Variants in IGSF10 observed in about 807,000 individuals in gnomAD.
The protein encoded by IGSF10 is calvaria mechanical force protein 608.
A neutral mutation model predicts 128.2 loss-of-function variants in IGSF10; 126 were observed. The ratio of observed to expected loss-of-function variants is 0.98; its 90% CI spans 0.85 to 1.14. The LOEUF is 1.14. IGSF10 is among the 50% of genes most tolerant of loss of function. The probability of loss-of-function intolerance (pLI) is 0.00; values close to 1 mark genes in which losing one functional copy is unlikely to be tolerated. For synonymous variants in IGSF10, 1,185 were observed against 1,146.2 expected (o/e 1.03, Z -0.68); for missense variants, 3,295 against 3,149.8 (o/e 1.05, Z -1.10).
chr3:151,613,463 GTA>G, the IGSF10 span, among the ~76,000 whole-genome samples: 52 of 152,220 alleles, frequency 3.4e-4, no homozygotes, highest in South Asian at 9.8e-3. Flanking sequence ...CATGGTACTG[GTA>G]CCAAAACAGA....
chr3:151,528,510 A>T, the IGSF10 span, among the ~76,000 whole-genome samples: 1 of 152,200 alleles, frequency 6.6e-6, no homozygotes, highest in Admixed American at 6.5e-5. Flanking sequence ...TACCCTGTTC[A>T]TCTCACTGGG....
the IGSF10 span, among the ~76,000 whole-genome samples, chr3:151,549,237 G>A: frequency 6.6e-6 from 1 of 152,080 alleles, no homozygotes; most frequent in Non-Finnish European, 1.5e-5. Context: ...GGGAAGTCCT[G>A]GTGTCAATAT....
upstream of IGSF10, among the ~76,000 whole-genome samples, chr3:151,463,172 C>T (rs563234585): frequency 6.6e-6 from 1 of 152,304 alleles, no homozygotes; most frequent in East Asian, 1.9e-4. Context: ...TAAATCTCTA[C>T]AATTGCTTTA....
At position 151,438,331 on chromosome 3, in the gene IGSF10, C is replaced by A; in HGVS notation, c.6230G>T (p.Gly2077Val). ...TTGCATTGCATTGTTGATCATGGTT[C>A]CATCAGGCAAACTCCAAGATATCTC... ...VPEISWSLPD[G>V]TMINNAMQAD... The change falls in exon 8 of 8, where the codon GGA becomes GTA. Residue 2077 changes from glycine (G) to valine (V), a missense_variant. Physicochemically the swap from Gly to Val is moderately radical, Grantham distance 109. Coordinates refer to ENST00000282466, the MANE Select transcript of IGSF10 (RefSeq NM_178822.5). 3 of 1,614,130 alleles carry A rather than the reference C, an allele frequency of 1.9e-6. No homozygotes were observed. The South Asian group carries it at 3.3e-5, about 18-fold the overall frequency.
the IGSF10 span, among the ~76,000 whole-genome samples, chr3:151,523,718 A>T: frequency 1.1e-4 from 17 of 152,170 alleles, no homozygotes; most frequent in African/African-American, 3.9e-4. Context: ...GAGACAACCT[A>T]GGCAATACCA....
chr3:151,513,161 A>T, the IGSF10 span, among the ~76,000 whole-genome samples: 1 of 152,182 alleles, frequency 6.6e-6, no homozygotes, highest in East Asian at 1.9e-4. Flanking sequence ...GACACAACAA[A>T]AAAAAGAGAA....
At position 151,453,495 on chromosome 3, in the gene IGSF10, G is replaced by C; in HGVS notation, c.604C>G (p.Gln202Glu). 5.0e-6 allele frequency: 8 copies of C among 1,613,992 alleles called. No individual in the cohort carries two copies. The highest frequency in any genetic ancestry group is 6.8e-6 in the Non-Finnish European group (8 of 1,179,850). ...TCAGGCATATAGGAGACCATCTCTT[G>C]AGGGAGGGAGGTCAGGAAGTTATCA... ...LSDNFLTSLP[Q>E]EMVSYMPDLD... Residue 202 changes from glutamine to glutamate, a missense_variant, in exon 5 of 8, where the codon CAA (glutamine) becomes GAA (glutamate). Transcript: ENST00000282466.
In IGSF10 at chr3:151,440,211, G is replaced by A. The variant is rs372396873; in HGVS notation, c.5964-1614C>T. 3.9e-5 allele frequency among the ~76,000 whole-genome samples: 6 copies of A among 151,944 alleles called. No individual in the cohort carries two copies. The East Asian group carries it at 7.8e-4, about 20-fold the overall frequency. ...TGCCCTCCTAATTTTTTTATTTTTT[G>A]TAGAGACAGGGTCTCACTGTGTTGC... On this transcript the variant is annotated intron_variant, in intron 7 of 7. Coordinates refer to ENST00000282466, the MANE Select transcript of IGSF10 (RefSeq NM_178822.5).
chr3:151,449,216 A>G lies in IGSF10; in HGVS notation c.765T>C (p.Cys255=), dbSNP rs1721391564. Residue 255 remains cysteine, a synonymous_variant, in exon 6 of 8, where the codon TGT becomes TGC. Coordinates refer to ENST00000282466, the MANE Select transcript of IGSF10 (RefSeq NM_178822.5). Reference sequence around the variant, plus strand: ...AAGTCCTAGGGTTCATGCAAAGTGGACACTGCTGAGCACTAGAGGGACTTC... The same window carrying G: ...AAGTCCTAGGGTTCATGCAAAGTGGGCACTGCTGAGCACTAGAGGGACTTC... ...KDRSPSSAQQ[C]PLCMNPRTSK... 2 of 1,613,834 alleles carry G rather than the reference A, an allele frequency of 1.2e-6. No homozygotes were observed. The highest frequency in any genetic ancestry group is 4.5e-5 in the East Asian group (2 of 44,888).
the IGSF10 span, among the ~76,000 whole-genome samples, chr3:151,568,965 C>G: frequency 8.7e-4 from 133 of 152,278 alleles, 1 homozygote; most frequent in African/African-American, 3.0e-3. Flanking sequence ...GCACAGCCCC[C>G]GAAAAGAAGA....
the IGSF10 span, among the ~76,000 whole-genome samples, chr3:151,599,421 A>C: frequency 4.6e-5 from 7 of 152,280 alleles, no homozygotes; most frequent in Admixed American, 1.3e-4. Context: ...GTGACTGGTA[A>C]CATTAGAGCT....
At chr3:151,546,014 A>G in the IGSF10 span, among the ~76,000 whole-genome samples, 1 of 151,824 alleles carries the variant, frequency 6.6e-6, no homozygotes, top group Non-Finnish European at 1.5e-5. Context: ...TCAAAACAAA[A>G]CATTAGATTA....
At chr3:151,458,106 G>C (rs1201945151) in intron 3 of IGSF10, among the ~76,000 whole-genome samples, 1 of 150,744 alleles carries the variant, frequency 6.6e-6, no homozygotes, top group Admixed American at 6.6e-5. Context: ...CTATAAAAAG[G>C]ATACATATAT....
the IGSF10 span, among the ~76,000 whole-genome samples, chr3:151,565,610 C>A: frequency 2.0e-5 from 3 of 152,058 alleles, no homozygotes; most frequent in Non-Finnish European, 4.4e-5. Context: ...TTTTGTGCAT[C>A]AGACTCACCT....
chr3:151,545,650 G>T, the IGSF10 span, among the ~76,000 whole-genome samples: 1 of 152,156 alleles, frequency 6.6e-6, no homozygotes, highest in Non-Finnish European at 1.5e-5. Flanking sequence ...ACTTTGCTTT[G>T]TCAAGAACCG....
the IGSF10 span, among the ~76,000 whole-genome samples, chr3:151,556,893 A>G: frequency 2.0e-5 from 3 of 152,306 alleles, no homozygotes; most frequent in East Asian, 3.9e-4. Context: ...TTGGATAACC[A>G]TTTCTCTGGT....
chr3:151,513,006 T>G, the IGSF10 span, among the ~76,000 whole-genome samples: 1 of 152,134 alleles, frequency 6.6e-6, no homozygotes, highest in East Asian at 1.9e-4. Flanking sequence ...CAGGACCAGA[T>G]GGATTAACAG....
upstream of IGSF10, among the ~76,000 whole-genome samples, chr3:151,465,737 C>G (rs1030152575): frequency 6.8e-6 from 1 of 147,796 alleles, no homozygotes; most frequent in African/African-American, 2.6e-5. Context: ...CCAGAGGATA[C>G]CAATGGTGCT....
downstream of IGSF10, chr3:151,435,004 C>G (rs1284548813): frequency 1.3e-5 from 2 of 149,420 alleles, no homozygotes; most frequent in Non-Finnish European, 3.0e-5. Flanking sequence ...AAGAAAATAA[C>G]TAGAATTACT....
Sources: gnomAD v4.1 joint callset for allele counts (sites outside exome capture counted in the v4.1 genomes callset) on GRCh38, gnomAD v4.1.1 for gene constraint, MANE v1.5 for transcripts, NCBI Gene and HGNC (gene_info 2026-07-23, HGNC 2026-07-21) for gene names.